Variants in AVEN observed in about 807,000 individuals in gnomAD.
The protein encoded by AVEN is cell death regulator Aven.
In AVEN, 41 loss-of-function variants were observed where a neutral mutation model predicts 38.1. The observed-to-expected ratio is 1.08, with a 90% confidence interval of 0.84 to 1.40. The LOEUF is 1.40. Ranked by LOEUF, AVEN falls within the 40% of genes most tolerant of loss-of-function variation. AVEN has a pLI of 0.00. For missense variants in AVEN, 605 were observed against 438.8 expected, an observed-to-expected ratio of 1.38 and a Z score of -3.38; for synonymous variants, 206 against 171.8, an observed-to-expected ratio of 1.20 and a Z score of -1.56.
chr15:33,945,839 C>T (rs1894489245), intron 2 of AVEN, among the ~76,000 whole-genome samples: 1 of 152,278 alleles, frequency 6.6e-6, no homozygotes, highest in Non-Finnish European at 1.5e-5. Flanking sequence ...CCCACCTTGG[C>T]CTCCCAAAGT....
chr15:33,877,652 T>C (rs1041264495), intron 2 of AVEN, among the ~76,000 whole-genome samples: 1 of 152,060 alleles, frequency 6.6e-6, no homozygotes, highest in Non-Finnish European at 1.5e-5. Flanking sequence ...TCATCTCTAC[T>C]AGAAATACAA....
chr15:33,969,255 T>C (rs1895523454), intron 2 of AVEN: 1 of 152,072 alleles, frequency 6.6e-6, no homozygotes, highest in Non-Finnish European at 1.5e-5. Flanking sequence ...AACCCTTCCT[T>C]AAGCTTTTGC....
intron 2 of AVEN, among the ~76,000 whole-genome samples, chr15:33,901,982 T>C (rs1892513891): frequency 6.6e-6 from 1 of 152,166 alleles, no homozygotes; most frequent in Non-Finnish European, 1.5e-5. Context: ...TCCATTTTGT[T>C]GACTGGTTTT....
At position 34,008,958 on chromosome 15, in the gene AVEN, A is replaced by G. The variant is rs554197460; in HGVS notation, c.268-5749T>C. 5.7e-3 allele frequency among the ~76,000 whole-genome samples: 840 copies of G among 148,380 alleles called. 19 individuals are homozygous for G. Among genetic ancestry groups the G allele is most frequent in the Admixed American group, 0.041 (618 of 14,974 alleles). On this transcript the variant is annotated intron_variant, in intron 1 of 5. Transcript: ENST00000306730. ...CACACTCACACGTGCGCGCGCGCAC[A>G]CACACACACACACACACAGACCATC... is the stretch of plus-strand genomic sequence containing the variant.
chr15:33,948,341 C>T (rs567985919), intron 2 of AVEN, among the ~76,000 whole-genome samples: 4 of 151,658 alleles, frequency 2.6e-5, no homozygotes, highest in Admixed American at 6.6e-5. Flanking sequence ...GTGATCCACC[C>T]GGCTCGGCCT....
chr15:33,976,642 T>G (rs1297914184), intron 2 of AVEN, among the ~76,000 whole-genome samples: 1 of 152,164 alleles, frequency 6.6e-6, no homozygotes, highest in Non-Finnish European at 1.5e-5. Context: ...TAGGACCTTC[T>G]GCAGGCATAA....
rs1895325462 is a variant in AVEN, at chr15:33,964,808, A to G, written c.445+38224T>C. On this transcript the variant is annotated intron_variant, in intron 2 of 5. Transcript: ENST00000306730. ...TTAAAGACAGTCAACTCTCCAGGTT[A>G]TCTAAGATCTCCAAGAAACTGCAGA... Among the ~76,000 whole-genome samples, 3 of 152,336 alleles carry G rather than the reference A, an allele frequency of 2.0e-5. No homozygotes were observed. The South Asian group carries it at 6.2e-4, about 32-fold the overall frequency.
chr15:33,860,395 T>C (rs1567353603), intron 11 of AVEN, among the ~76,000 whole-genome samples: 1 of 152,084 alleles, frequency 6.6e-6, no homozygotes, highest in Non-Finnish European at 1.5e-5. Context: ...CACTGCATGG[T>C]GTAGAAAGGT....
chr15:33,970,281 G>A (rs969342307), intron 2 of AVEN, among the ~76,000 whole-genome samples: 1 of 151,728 alleles, frequency 6.6e-6, no homozygotes, highest in Admixed American at 6.6e-5. Context: ...GATCCCTTCA[G>A]GCTTTTCAAG....
At chr15:34,004,223 T>C (rs6495442) in intron 1 of AVEN, among the ~76,000 whole-genome samples, 23,076 of 152,282 alleles carry the variant, frequency 0.15, 2,179 homozygotes, top group Middle Eastern at 0.28. Context: ...CTATGTTGTA[T>C]AGATTTTTAA....
chr15:33,953,669 C>G (rs113337790), intron 2 of AVEN, among the ~76,000 whole-genome samples: 131 of 152,252 alleles, frequency 8.6e-4, no homozygotes, highest in African/African-American at 3.0e-3. Flanking sequence ...AATGTTAGAC[C>G]TAAAACCATA....
rs1304594919 is a variant in AVEN, at chr15:34,038,780, C to T, written c.267G>A (p.Pro89=). ...AGCCCCACCAGCCGTCGCCTCTTAC[C>T]GGCGCGCTGGCCCCTGCGCCCCAGC... ...PGGWGAGASA[P]VEDDSDAETY... The change falls in exon 1 of 6, where the codon CCG becomes CCA. Residue 89 remains proline, a splice_region_variant and synonymous_variant. Transcript: ENST00000306730. 15 of 1,176,402 alleles carry T rather than the reference C, an allele frequency of 1.3e-5. No individual in the cohort carries two copies. The highest frequency in any genetic ancestry group is 1.6e-5 in the Non-Finnish European group (15 of 953,856). 72.9% of individuals were successfully genotyped at this position (1,176,402 alleles called of 1,614,324 possible).
intron 2 of AVEN, among the ~76,000 whole-genome samples, chr15:33,966,166 C>T (rs1260230383): frequency 6.6e-6 from 1 of 152,096 alleles, no homozygotes; most frequent in African/African-American, 2.4e-5. Context: ...ACCCACCCTA[C>T]AAAGTTCTCC....
At chr15:33,937,343 G>T (rs1318492002) in intron 2 of AVEN, among the ~76,000 whole-genome samples, 1 of 146,378 alleles carries the variant, frequency 6.8e-6, no homozygotes, top group Admixed American at 6.7e-5. Context: ...GACCATCCTG[G>T]CTAACACGGT....
chr15:33,886,738 T>A (rs1268676885), intron 2 of AVEN, among the ~76,000 whole-genome samples: 1 of 152,230 alleles, frequency 6.6e-6, no homozygotes, highest in Non-Finnish European at 1.5e-5. Flanking sequence ...CTTTCCTTTA[T>A]AAATTATCCA....
chr15:33,867,293 T>C (rs892930546), intron 5 of AVEN, among the ~76,000 whole-genome samples: 9 of 152,120 alleles, frequency 5.9e-5, no homozygotes, highest in African/African-American at 1.9e-4. Context: ...CTTTGGAAGC[T>C]TGGTGTGTCG....
intron 3 of AVEN, among the ~76,000 whole-genome samples, chr15:33,872,554 G>T (rs1422333042): frequency 6.6e-6 from 1 of 152,146 alleles, no homozygotes; most frequent in Middle Eastern, 3.4e-3. Context: ...GGTGGCGTGG[G>T]GGGAGCCGGG....
At chr15:33,965,232 TCAA>T (rs1314502973) in intron 2 of AVEN, among the ~76,000 whole-genome samples, 5 of 152,200 alleles carry the variant, frequency 3.3e-5, no homozygotes, top group Admixed American at 2.6e-4. Flanking sequence ...TTTGATTTCT[TCAA>T]CAAGAATTTA....
intron 2 of AVEN, among the ~76,000 whole-genome samples, chr15:33,910,177 G>A (rs1310574528): frequency 1.3e-5 from 2 of 151,444 alleles, no homozygotes; most frequent in Non-Finnish European, 1.5e-5. Flanking sequence ...GGTAGTACTT[G>A]TTAAAAATGA....
Sources: gnomAD v4.1 joint callset for allele counts (sites outside exome capture counted in the v4.1 genomes callset) on GRCh38, gnomAD v4.1.1 for gene constraint, MANE v1.5 for transcripts, NCBI Gene and HGNC (gene_info 2026-07-23, HGNC 2026-07-21) for gene names.